The following ST3GAL6 variants were observed in gnomAD, a reference collection of about 807,000 sequenced individuals.
ST3GAL6 encodes ST3 beta-galactoside alpha-2,3-sialyltransferase 6.
Under a neutral mutation model 40.5 loss-of-function variants are expected in ST3GAL6, and 31 were observed. That is an observed-to-expected ratio of 0.77 (90% CI 0.58 to 1.03). The LOEUF is 1.03. Among genes scored for constraint, ST3GAL6 ranks in the 50% least tolerant of loss-of-function variants. The pLI is 0.00. For synonymous variants in ST3GAL6, 129 were observed against 136.9 expected (o/e 0.94, Z 0.40); for missense variants, 357 against 393.2 (o/e 0.91, Z 0.78).
At chr3:98,780,584 TAAA>T (rs34947081) in intron 5 of ST3GAL6, among the ~76,000 whole-genome samples, 1 of 152,020 alleles carries the variant, frequency 6.6e-6, no homozygotes, top group Non-Finnish European at 1.5e-5. Context: ...TCCTGTTTTT[TAAA>T]AGTCCTTGAA....
upstream of ST3GAL6, among the ~76,000 whole-genome samples, chr3:98,762,377 CAG>C (rs1937886961): frequency 1.3e-5 from 2 of 152,202 alleles, no homozygotes; most frequent in South Asian, 4.1e-4. Context: ...TCAGCAATGT[CAG>C]AGTTTTTTTC....
At chr3:98,768,806 C>T (rs1938654213) in intron 2 of ST3GAL6, among the ~76,000 whole-genome samples, 2 of 152,148 alleles carry the variant, frequency 1.3e-5, no homozygotes, top group South Asian at 4.1e-4. Context: ...TGCTATAGAT[C>T]ATCTCCTTGA....
At chr3:98,761,758 T>C (rs1937797269), upstream of ST3GAL6, among the ~76,000 whole-genome samples, 1 of 151,914 alleles carries the variant, frequency 6.6e-6, no homozygotes, top group African/African-American at 2.4e-5. Context: ...GGAAAGAAAA[T>C]GTGAATAAAC....
intron 1 of ST3GAL6, among the ~76,000 whole-genome samples, chr3:98,741,398 G>T (rs919451840): frequency 2.0e-5 from 3 of 152,100 alleles, no homozygotes; most frequent in Non-Finnish European, 4.4e-5. Context: ...TTATATTGGG[G>T]AGTGGGAATG....
intron 1 of ST3GAL6, among the ~76,000 whole-genome samples, chr3:98,755,888 C>T (rs1192533042): frequency 6.6e-6 from 1 of 151,284 alleles, no homozygotes; most frequent in East Asian, 1.9e-4. Flanking sequence ...CTTCTTTTTC[C>T]CTCACTTTCT....
At chr3:98,766,715 C>G (rs1938394653) in intron 1 of ST3GAL6, among the ~76,000 whole-genome samples, 1 of 152,154 alleles carries the variant, frequency 6.6e-6, no homozygotes, top group Non-Finnish European at 1.5e-5. Context: ...GCCACTGCGC[C>G]CAGCCAAATG....
rs1368828779 is a variant in ST3GAL6 at position 98,791,947 on chromosome 3, G to A, written c.863G>A (p.Ser288Asn). Residue 288 changes from serine to asparagine, a missense_variant, in exon 9 of 10, where the codon AGT becomes AAT. Ser to Asn is a conservative substitution (Grantham distance 46). Coordinates refer to ENST00000483910, the MANE Select transcript of ST3GAL6 (RefSeq NM_001323368.2). ...GFKYNFSDLK[S>N]PLHYYGNATM... ...AAATACAACTTTTCTGACCTCAAGA[G>A]TCCTTTGCACTACTATGGGAATGCC... 2 of 1,613,894 alleles carry A rather than the reference G, an allele frequency of 1.2e-6. No homozygotes were observed. The highest frequency in any genetic ancestry group is 1.1e-5 in the South Asian group (1 of 91,072).
rs374127164 is a variant in ST3GAL6, at chr3:98,741,083, T to TGA, written c.-12+8552_-12+8553insAG. Among the ~76,000 whole-genome samples the TGA allele has an allele frequency of 6.7e-3, 1,015 of 150,372 alleles. 7 individuals carry two copies. The highest frequency in any genetic ancestry group is 0.017 in the Admixed American group (262 of 15,068). On this transcript the variant is annotated intron_variant, in intron 1 of 9. Transcript: ENST00000265261. ...GTGTGTGTGTGTGTGTGTGTGTGTG[T>TGA]GCATGCATGTATGTACATATGCTTT...
At position 98,783,599 on chromosome 3, in the gene ST3GAL6, A is replaced by T. The variant is rs1039922207; in HGVS notation, c.336-1346A>T. 41 of 984,906 alleles carry T rather than the reference A, an allele frequency of 4.2e-5. No homozygotes were observed. In the South Asian group the frequency reaches 1.4e-3, roughly 33 times the overall value. 61.0% of individuals were successfully genotyped at this position (984,906 alleles called of 1,614,324 possible). A position where few individuals can be genotyped will look rare whatever the true frequency, so the allele number is the denominator to read the frequency against. On this transcript the variant is annotated intron_variant, in intron 5 of 9. Transcript: ENST00000483910. ...AAAGAAATAAAAAAAATGCAAAGAAAATTTAAATGAACAAACAGACCCTTC... is the reference window on the plus strand; with the variant it reads ...AAAGAAATAAAAAAAATGCAAAGAATATTTAAATGAACAAACAGACCCTTC...
At chr3:98,770,746 G>T (rs1433530622) in intron 2 of ST3GAL6, 133 bp from the exon 3 acceptor site, 5 of 696,754 alleles carry the variant, frequency 7.2e-6, no homozygotes, top group Non-Finnish European at 1.3e-5. Flanking sequence ...GACCTCAAGA[G>T]GTGCAGGGAG....
chr3:98,788,316 T>C lies in ST3GAL6; in HGVS notation c.619-10T>C. 6.2e-7 allele frequency: 1 copy of C among 1,601,392 alleles called. No homozygotes were observed. Among genetic ancestry groups the C allele is most frequent in the African/African-American group, 1.3e-5 (1 of 74,188 alleles). On this transcript the variant is annotated splice_polypyrimidine_tract_variant and intron_variant, in intron 7 of 9. Coordinates refer to ENST00000483910, the MANE Select transcript of ST3GAL6 (RefSeq NM_001323368.2). ...CACACTGTTCTATTCTCTATATTTT[T>C]TACTTTCAGAACACTAATGGTTTTT... is the stretch of plus-strand genomic sequence containing the variant.
At chr3:98,753,235 A>G (rs1937162607) in intron 1 of ST3GAL6, among the ~76,000 whole-genome samples, 3 of 152,198 alleles carry the variant, frequency 2.0e-5, no homozygotes, top group African/African-American at 7.2e-5. Context: ...TGAATAGAAC[A>G]TCAAACAAGC....
chr3:98,752,481 T>TA (rs1937081178), intron 1 of ST3GAL6, among the ~76,000 whole-genome samples: 1 of 152,030 alleles, frequency 6.6e-6, no homozygotes, highest in Non-Finnish European at 1.5e-5. Flanking sequence ...TTATTTATTT[T>TA]ATTTTTTTGA....
At chr3:98,753,349 T>C (rs1937171024) in intron 1 of ST3GAL6, among the ~76,000 whole-genome samples, 1 of 152,180 alleles carries the variant, frequency 6.6e-6, no homozygotes, top group African/African-American at 2.4e-5. Context: ...TCATGAGGTT[T>C]AAGGAAAGAA....
chr3:98,780,561 CTA>C (rs1338620558), intron 5 of ST3GAL6, among the ~76,000 whole-genome samples: 56 of 146,862 alleles, frequency 3.8e-4, no homozygotes, highest in East Asian at 2.5e-3. Context: ...GAGGCAATGT[CTA>C]TGTTATTTCT....
chr3:98,758,135 G>A (rs1191865725), intron 1 of ST3GAL6, among the ~76,000 whole-genome samples: 1 of 152,070 alleles, frequency 6.6e-6, no homozygotes, highest in Non-Finnish European at 1.5e-5. Flanking sequence ...CACCGTGCCC[G>A]GTCCTAATTT....
In ST3GAL6 at chr3:98,786,518, C is replaced by T. The variant is rs1940729295; in HGVS notation, c.431+1478C>T. Among the ~76,000 whole-genome samples the T allele has an allele frequency of 2.0e-5, 3 of 151,966 alleles. No individual in the cohort carries two copies. The South Asian group carries it at 6.2e-4, about 32-fold the overall frequency. On this transcript the variant is annotated intron_variant, in intron 6 of 9. Transcript: ENST00000483910. The stretch of plus-strand genomic sequence containing the variant: ...CTCCCAATAAAAGCAGGCTTAGAGG[C>T]GTGATGTGGCAAGAAGCCCGGCTGG...
chr3:98,768,029 C>T (rs1005971111), intron 1 of ST3GAL6, among the ~76,000 whole-genome samples: 5 of 152,088 alleles, frequency 3.3e-5, no homozygotes, highest in Non-Finnish European at 7.4e-5. Flanking sequence ...CAGTTTAAGG[C>T]ATCTATTCAC....
chr3:98,741,235 AT>A (rs1473918967), intron 1 of ST3GAL6, among the ~76,000 whole-genome samples: 2 of 150,406 alleles, frequency 1.3e-5, no homozygotes, highest in African/African-American at 4.9e-5. Context: ...TTTTTTTTTT[AT>A]GGTTCAAAAC....
Sources: gnomAD v4.1 joint callset for allele counts (sites outside exome capture counted in the v4.1 genomes callset) on GRCh38, gnomAD v4.1.1 for gene constraint, MANE v1.5 for transcripts, NCBI Gene and HGNC (gene_info 2026-07-23, HGNC 2026-07-21) for gene names.